The following GRM3 variants were observed in gnomAD, a reference collection of about 807,000 sequenced individuals.
GRM3 encodes glutamate metabotropic receptor 3, also known as metabotropic glutamate receptor 3.
A neutral mutation model predicts 70.5 loss-of-function variants in GRM3; 26 were observed. The observed-to-expected ratio is 0.37, with a 90% CI of 0.27 to 0.51. The LOEUF (loss-of-function observed/expected upper bound fraction) is 0.51, where lower values mean the gene tolerates loss of function less well. GRM3 is among the 20% of genes least tolerant of loss of function. The pLI, the probability that GRM3 is intolerant of heterozygous loss-of-function variation, is 0.93. For missense variants in GRM3, 859 were observed against 1,123.8 expected, an observed-to-expected ratio of 0.76 and a Z score of 3.37; for synonymous variants, 443 against 434.9, an observed-to-expected ratio of 1.02 and a Z score of -0.23.
intron 1 of GRM3, among the ~76,000 whole-genome samples, chr7:86,745,625 G>A (rs12704286): frequency 0.4 from 60,149 of 151,850 alleles, 14,684 homozygotes; most frequent in African/African-American, 0.7. Context: ...TAGGAGAATA[G>A]GAAATTGGGC....
intron 1 of GRM3, among the ~76,000 whole-genome samples, chr7:86,688,906 A>G (rs1353184302): frequency 1.3e-5 from 2 of 148,634 alleles, no homozygotes; most frequent in Non-Finnish European, 3.0e-5. Flanking sequence ...GGGTTAAGGA[A>G]TACAAATTTT....
intron 1 of GRM3, among the ~76,000 whole-genome samples, chr7:86,746,341 T>TTTTATATATATATATATATATATATATA (rs1388333232): frequency 5.7e-5 from 5 of 87,442 alleles, no homozygotes; most frequent in African/African-American, 1.2e-4. Flanking sequence ...CAGTCATGTA[T>TTTTATATATATATATATATATATATATA]TATATATATA....
At chr7:86,718,093 T>C (rs1795364846) in intron 1 of GRM3, among the ~76,000 whole-genome samples, 1 of 152,018 alleles carries the variant, frequency 6.6e-6, no homozygotes, top group Admixed American at 6.6e-5. Flanking sequence ...TTGCTGAATG[T>C]GATATTTTAG....
chr7:86,834,079 C>A lies in GRM3; in HGVS notation c.1325-4760C>A, dbSNP rs576356042. Among the ~76,000 whole-genome samples the A allele has an allele frequency of 2.6e-5, 4 of 152,264 alleles. No individual in the cohort carries two copies. In the South Asian group the frequency reaches 8.3e-4, roughly 32 times the overall value. ...ATTTATTTACTTTAAAGCTACTCTG[C>A]CTGACCTTGCTTAATTATCTTTATA... On this transcript the variant is annotated intron_variant, in intron 3 of 5. Coordinates refer to ENST00000361669, the MANE Select transcript of GRM3 (RefSeq NM_000840.3).
At chr7:86,814,620 G>A (rs1797979765) in intron 3 of GRM3, among the ~76,000 whole-genome samples, 1 of 151,718 alleles carries the variant, frequency 6.6e-6, no homozygotes. Flanking sequence ...GAATTTTATA[G>A]TGTCACTCTA....
At chr7:86,694,534 GAAAGAAAGA>G (rs1794770455) in intron 1 of GRM3, among the ~76,000 whole-genome samples, 1 of 120,416 alleles carries the variant, frequency 8.3e-6, no homozygotes, top group African/African-American at 3.1e-5. Context: ...AAAAAGAAAA[GAAAGAAAGA>G]AAAGAAAGAA....
chr7:86,783,770 TACTTC>T (rs1797143842), intron 2 of GRM3, among the ~76,000 whole-genome samples: 2 of 152,246 alleles, frequency 1.3e-5, no homozygotes, highest in South Asian at 2.1e-4. Flanking sequence ...ATTACTTCAA[TACTTC>T]ACTCCATGAT....
At chr7:86,648,154 T>G (rs1384633048) in intron 1 of GRM3, among the ~76,000 whole-genome samples, 2 of 152,266 alleles carry the variant, frequency 1.3e-5, no homozygotes, top group Non-Finnish European at 2.9e-5. Context: ...CTTTGCTAAA[T>G]GTTTAAGACA....
rs1207964234 is a variant in GRM3 at position 86,810,030 on chromosome 7, C to A, written c.1324+22914C>A. Among the ~76,000 whole-genome samples, 3 of 152,000 alleles carry A rather than the reference C, an allele frequency of 2.0e-5. No individual in the cohort carries two copies. The South Asian group carries it at 6.2e-4, about 31-fold the overall frequency. On this transcript the variant is annotated intron_variant, in intron 3 of 5. Coordinates refer to ENST00000361669, the MANE Select transcript of GRM3 (RefSeq NM_000840.3). The stretch of plus-strand genomic sequence containing the variant: ...CATGAAGGATAAATTATTTTAAAAT[C>A]GGATGAATATTTGCATAAGTGTAAA...
At chr7:86,802,326 A>G (rs1797701422) in intron 3 of GRM3, among the ~76,000 whole-genome samples, 1 of 152,302 alleles carries the variant, frequency 6.6e-6, no homozygotes, top group Non-Finnish European at 1.5e-5. Context: ...TATTTAGAAA[A>G]AGGATGCAGT....
At chr7:86,797,823 TA>T (rs1035070917) in intron 3 of GRM3, among the ~76,000 whole-genome samples, 1 of 152,058 alleles carries the variant, frequency 6.6e-6, no homozygotes, top group African/African-American at 2.4e-5. Flanking sequence ...GCCTAGGAGA[TA>T]AAAAATGATT....
At chr7:86,758,664 T>C (rs973125689) in intron 1 of GRM3, among the ~76,000 whole-genome samples, 1 of 152,166 alleles carries the variant, frequency 6.6e-6, no homozygotes, top group Non-Finnish European at 1.5e-5. Flanking sequence ...GGGAAGTAAA[T>C]TACCAGCATT....
rs146987337 is a variant in GRM3 at position 86,826,681 on chromosome 7, C to T, written c.1325-12158C>T. Among the ~76,000 whole-genome samples, 910 of 152,258 alleles carry T rather than the reference C, an allele frequency of 6.0e-3. 11 individuals carry two copies. Among genetic ancestry groups the T allele is most frequent in the African/African-American group, 0.021 (875 of 41,536 alleles). On this transcript the variant is annotated intron_variant, in intron 3 of 5. Coordinates refer to ENST00000361669, the MANE Select transcript of GRM3 (RefSeq NM_000840.3). ...TTTTCCATTTTCATAAAGGGTTGAG[C>T]TTTTCAAAATATATGTAGAAATACA...
intron 2 of GRM3, among the ~76,000 whole-genome samples, chr7:86,767,554 TATATAA>T (rs1407589414): frequency 8.1e-5 from 9 of 111,442 alleles, no homozygotes; most frequent in African/African-American, 2.6e-4. Flanking sequence ...TATATATATA[TATATAA>T]ATGAAGTATG....
chr7:86,778,514 A>G (rs1796956361), intron 2 of GRM3, among the ~76,000 whole-genome samples: 1 of 152,200 alleles, frequency 6.6e-6, no homozygotes, highest in Middle Eastern at 3.2e-3. Context: ...TTGATACATC[A>G]TGTATATCCT....
intron 1 of GRM3, among the ~76,000 whole-genome samples, chr7:86,739,095 A>T (rs749910081): frequency 5.9e-5 from 9 of 152,126 alleles, no homozygotes; most frequent in Non-Finnish European, 1.2e-4. Flanking sequence ...CTCCTGCCTC[A>T]GTCTCCCAAG....
chr7:86,754,620 G>A (rs773883468), intron 1 of GRM3, among the ~76,000 whole-genome samples: 1 of 152,034 alleles, frequency 6.6e-6, no homozygotes, highest in Non-Finnish European at 1.5e-5. Context: ...AATCTATGTA[G>A]AACATTAACC....
intron 1 of GRM3, among the ~76,000 whole-genome samples, chr7:86,720,090 T>C (rs1304287700): frequency 2.6e-5 from 4 of 151,950 alleles, no homozygotes; most frequent in Non-Finnish European, 5.9e-5. Flanking sequence ...ATCACAGTAG[T>C]CCAAAGGAGA....
intron 1 of GRM3, among the ~76,000 whole-genome samples, chr7:86,725,557 G>A (rs1795572278): frequency 6.6e-6 from 1 of 152,120 alleles, no homozygotes; most frequent in African/African-American, 2.4e-5. Context: ...TCAGGAATAG[G>A]AGAATCAGAC....
Sources: gnomAD v4.1 joint callset for allele counts (sites outside exome capture counted in the v4.1 genomes callset) on GRCh38, gnomAD v4.1.1 for gene constraint, MANE v1.5 for transcripts, NCBI Gene and HGNC (gene_info 2026-07-23, HGNC 2026-07-21) for gene names.